Variants in GRIK1 observed in about 807,000 individuals in gnomAD.
GRIK1 encodes glutamate ionotropic receptor kainate type subunit 1.
GRIK1 carries 69 observed loss-of-function variants against 105.7 expected under a neutral mutation model. The observed-to-expected ratio is 0.65, with a 90% confidence interval of 0.54 to 0.80. The LOEUF (loss-of-function observed/expected upper bound fraction) is 0.80. GRIK1 is among the 30% of genes least tolerant of loss of function. The probability of loss-of-function intolerance (pLI) is 0.00; values close to 1 mark genes in which losing one functional copy is unlikely to be tolerated. For missense variants in GRIK1, 1,109 were observed against 1,167.3 expected, an observed-to-expected ratio of 0.95 and a Z score of 0.73; for synonymous variants, 438 against 431.3, an observed-to-expected ratio of 1.02 and a Z score of -0.19.
chr21:29,537,296 T>G lies in GRIK1; in HGVS notation c.2784A>C (p.Lys928Asn). 2 of 1,611,760 alleles carry G rather than the reference T, an allele frequency of 1.2e-6. No individual in the cohort carries two copies. Among genetic ancestry groups the G allele is most frequent in the South Asian group, 1.1e-5 (1 of 90,962 alleles). The change falls in exon 18 of 18, where the codon AAA (lysine) becomes AAC (asparagine). Residue 928 changes from lysine (K) to asparagine (N), a missense_variant. By Grantham distance (94) the Lys-to-Asn change is moderately conservative (BLOSUM62 0). Around this residue, in one of 5 missense-constraint regions of GRIK1, gnomAD observed 161 missense variants for 143.4 expected, o/e 1.12. Transcript: ENST00000327783. The stretch of plus-strand genomic sequence containing the variant: ...AAGTAAGGATACTTGTGAAGGAAGA[T>G]TTCCCCTTAGTTCTTGACTTTTTCT... The part of the protein sequence containing the change: ...KIKKKSRTKG[K>N]SSFTSILTCH...
chr21:29,662,909 A>T (rs1394443695), intron 4 of GRIK1, among the ~76,000 whole-genome samples: 1 of 152,172 alleles, frequency 6.6e-6, no homozygotes, highest in Non-Finnish European at 1.5e-5. Flanking sequence ...ATTGATAGTT[A>T]CTAAAAACTC....
At chr21:29,578,262 C>T (rs966894597) in intron 13 of GRIK1, among the ~76,000 whole-genome samples, 11 of 152,142 alleles carry the variant, frequency 7.2e-5, no homozygotes, top group Non-Finnish European at 1.5e-5. Flanking sequence ...GAAAAACACC[C>T]TAAATTAAAA....
intron 1 of GRIK1, among the ~76,000 whole-genome samples, chr21:29,845,219 CT>C (rs1222580691): frequency 1.3e-5 from 2 of 150,954 alleles, no homozygotes; most frequent in African/African-American, 2.4e-5. Flanking sequence ...ATTTTTTCTC[CT>C]TTATTTGTTG....
intron 3 of GRIK1, among the ~76,000 whole-genome samples, chr21:29,680,799 C>G (rs940145080): frequency 6.6e-6 from 1 of 152,142 alleles, no homozygotes; most frequent in Non-Finnish European, 1.5e-5. Context: ...AAGTGCTATA[C>G]AGACAAATAT....
At chr21:29,831,066 T>G (rs920786271) in intron 1 of GRIK1, among the ~76,000 whole-genome samples, 10 of 152,208 alleles carry the variant, frequency 6.6e-5, no homozygotes, top group African/African-American at 2.4e-4. Context: ...AGGTGTGTAC[T>G]GTAGCATTCT....
At position 29,554,988 on chromosome 21, in the gene GRIK1, C is replaced by A. The variant is rs762930208; in HGVS notation, c.2607+64G>T. The A allele has an allele frequency of 7.3e-6, 10 of 1,368,828 alleles. No individual in the cohort carries two copies. The Admixed American group carries it at 8.3e-5, about 11-fold the overall frequency. The allele number at this position is 1,368,828 out of a possible 1,614,324, so 84.8% of individuals were successfully genotyped here. On this transcript the variant is annotated intron_variant, in intron 16 of 17. Coordinates refer to ENST00000327783, the MANE Select transcript of GRIK1 (RefSeq NM_001330994.2). Reference sequence around the variant, plus strand: ...GAAAAAGAGCAAACATCCTTAAAAACCCCCAAACTTAAGACAGATAATGCA... The same window carrying A: ...GAAAAAGAGCAAACATCCTTAAAAAACCCCAAACTTAAGACAGATAATGCA...
chr21:29,782,690 T>C (rs188724647), intron 1 of GRIK1, among the ~76,000 whole-genome samples: 4 of 152,356 alleles, frequency 2.6e-5, no homozygotes, highest in East Asian at 3.9e-4. Context: ...TCCCCATGGA[T>C]ACTACTCAGA....
chr21:29,599,356 CA>C (rs2061475957), intron 7 of GRIK1, among the ~76,000 whole-genome samples: 1 of 152,094 alleles, frequency 6.6e-6, no homozygotes, highest in Non-Finnish European at 1.5e-5. Context: ...TAATATAGTC[CA>C]ATGATGTATT....
At chr21:29,903,224 A>C (rs1004307875) in intron 1 of GRIK1, among the ~76,000 whole-genome samples, 1 of 152,220 alleles carries the variant, frequency 6.6e-6, no homozygotes, top group Admixed American at 6.5e-5. Flanking sequence ...AAGCATGGGC[A>C]AAGACTTCAT....
At chr21:29,550,655 C>G (rs1371401480) in intron 16 of GRIK1, among the ~76,000 whole-genome samples, 5 of 152,110 alleles carry the variant, frequency 3.3e-5, no homozygotes, top group Non-Finnish European at 7.4e-5. Flanking sequence ...AATGCTTGTA[C>G]AAGAAAAACT....
intron 7 of GRIK1, among the ~76,000 whole-genome samples, chr21:29,621,833 G>C (rs771722134): frequency 1.3e-5 from 2 of 152,164 alleles, no homozygotes; most frequent in African/African-American, 2.4e-5. Flanking sequence ...TAGGTTCCCA[G>C]GATCATAGCA....
intron 1 of GRIK1, among the ~76,000 whole-genome samples, chr21:29,872,134 T>C (rs2069035620): frequency 6.6e-6 from 1 of 151,960 alleles, no homozygotes; most frequent in African/African-American, 2.4e-5. Context: ...TGTTTTGCTA[T>C]ATGTATACAT....
In GRIK1 at chr21:29,729,591, G is replaced by C. The variant is rs187500525; in HGVS notation, c.119-35528C>G. Among the ~76,000 whole-genome samples, 1,102 of 152,218 alleles carry C rather than the reference G, an allele frequency of 7.2e-3. 44 individuals are homozygous for C. The highest frequency in any genetic ancestry group is 0.065 in the Admixed American group (990 of 15,278). On this transcript the variant is annotated intron_variant, in intron 1 of 17. Transcript: ENST00000327783. ...ACCAGGGTAGACAGGGAAATAAATA[G>C]GCAACAGAATAAATAAATTATATAG... is the stretch of plus-strand genomic sequence containing the variant.
intron 3 of GRIK1, among the ~76,000 whole-genome samples, chr21:29,684,779 G>A (rs1233976747): frequency 2.0e-5 from 3 of 151,734 alleles, no homozygotes; most frequent in Non-Finnish European, 4.4e-5. Context: ...CAAAGTGCTG[G>A]GATTATAGGC....
intron 4 of GRIK1, among the ~76,000 whole-genome samples, chr21:29,669,529 G>T (rs2063124302): frequency 6.6e-6 from 1 of 152,108 alleles, no homozygotes; most frequent in Non-Finnish European, 1.5e-5. Flanking sequence ...CTGCTTGGGG[G>T]CCCTTCAGAG....
chr21:29,640,393 C>T (rs1334926479), intron 7 of GRIK1, among the ~76,000 whole-genome samples: 1 of 152,122 alleles, frequency 6.6e-6, no homozygotes, highest in Admixed American at 6.5e-5. Flanking sequence ...CTGTAGGTAC[C>T]TACACCCTGC....
intron 1 of GRIK1, among the ~76,000 whole-genome samples, chr21:29,763,399 A>G (rs2065578372): frequency 6.6e-6 from 1 of 152,172 alleles, no homozygotes; most frequent in Admixed American, 6.5e-5. Flanking sequence ...CATTCTTTAC[A>G]TGAAAATGGA....
In GRIK1 at chr21:29,688,061, CA is replaced by C. The variant is rs2063518164; in HGVS notation, c.544+1666del. The stretch of plus-strand genomic sequence containing the variant: ...ATGTTTAAAACATGATATTCTTTTT[CA>C]AAGCCCTTTAAAGTATGCGTGTGGA... On this transcript the variant is annotated intron_variant, in intron 3 of 17. Coordinates refer to ENST00000327783, the MANE Select transcript of GRIK1 (RefSeq NM_001330994.2). Among the ~76,000 whole-genome samples, 3 of 152,294 alleles carry C rather than the reference CA, an allele frequency of 2.0e-5. No homozygotes were observed. In the South Asian group the frequency reaches 6.2e-4, roughly 32 times the overall value.
intron 1 of GRIK1, among the ~76,000 whole-genome samples, chr21:29,710,790 TCC>T (rs2064029627): frequency 8.7e-4 from 2 of 2,288 alleles, no homozygotes; most frequent in Non-Finnish European, 3.2e-3. Context: ...CCTCCCTCCC[TCC>T]TTCCTTCCTT....
Sources: gnomAD v4.1 joint callset for allele counts (sites outside exome capture counted in the v4.1 genomes callset) on GRCh38, gnomAD v4.1.1 for gene constraint, gnomAD v4.1.1 regional missense constraint, MANE v1.5 for transcripts, NCBI Gene and HGNC (gene_info 2026-07-23, HGNC 2026-07-21) for gene names.